The following LUZP2 variants were observed in gnomAD, a reference collection of about 807,000 sequenced individuals.
LUZP2 encodes the protein leucine zipper protein 2.
A neutral mutation model predicts 51.6 loss-of-function variants in LUZP2; 52 were observed. The observed-to-expected ratio is 1.01, with a 90% CI of 0.81 to 1.27. The LOEUF (loss-of-function observed/expected upper bound fraction) is 1.27. Ranked by LOEUF, LUZP2 falls within the 50% of genes most tolerant of loss-of-function variation. LUZP2 has a pLI of 0.00. For synonymous variants in LUZP2, 154 were observed against 137.3 expected (o/e 1.12, Z -0.85); for missense variants, 436 against 395.4 (o/e 1.10, Z -0.87).
intron 1 of LUZP2, among the ~76,000 whole-genome samples, chr11:24,587,805 A>G (rs188270916): frequency 2.4e-4 from 36 of 152,198 alleles, no homozygotes; most frequent in Non-Finnish European, 4.6e-4. Flanking sequence ...TAAATGAAAT[A>G]TATGTGTTTA....
At chr11:24,938,186 G>C (rs906263876) in intron 7 of LUZP2, among the ~76,000 whole-genome samples, 1 of 151,968 alleles carries the variant, frequency 6.6e-6, no homozygotes. Flanking sequence ...AAGTACTAAA[G>C]GCATAGTATT....
intron 8 of LUZP2, among the ~76,000 whole-genome samples, chr11:24,978,959 G>T (rs997775288): frequency 6.6e-6 from 1 of 151,644 alleles, no homozygotes; most frequent in South Asian, 2.1e-4. Context: ...AGGATGAGAG[G>T]CTGATGTTGT....
Position 24,848,393 on chromosome 11 carries a change from C to A in LUZP2, c.397-57598C>A, listed in dbSNP as rs140179810. ...TTTGCTCAATTTGCTTATGTTTGAC[C>A]AGTTATCTGTGCAGGATAGCCACCT... On this transcript the variant is annotated intron_variant, in intron 5 of 11. Coordinates refer to ENST00000336930, the MANE Select transcript of LUZP2 (RefSeq NM_001009909.4). Among the ~76,000 whole-genome samples, 1,081 of 152,078 alleles carry A rather than the reference C, an allele frequency of 7.1e-3. 7 individuals are homozygous for A. Among genetic ancestry groups the A allele is most frequent in the Middle Eastern group, 0.027 (8 of 294 alleles).
At chr11:24,726,214 T>C (rs1312338236) in intron 1 of LUZP2, among the ~76,000 whole-genome samples, 1 of 152,148 alleles carries the variant, frequency 6.6e-6, no homozygotes, top group Non-Finnish European at 1.5e-5. Flanking sequence ...AATCAATCTC[T>C]AATAAAGTAA....
intron 7 of LUZP2, among the ~76,000 whole-genome samples, chr11:24,933,638 A>G (rs760639528): frequency 6.6e-6 from 1 of 152,214 alleles, no homozygotes; most frequent in Non-Finnish European, 1.5e-5. Flanking sequence ...CATAATGATT[A>G]TAGATTTACA....
chr11:24,601,578 C>T (rs991754157), intron 1 of LUZP2, among the ~76,000 whole-genome samples: 1 of 151,734 alleles, frequency 6.6e-6, no homozygotes, highest in Non-Finnish European at 1.5e-5. Context: ...TAAGAAAAGT[C>T]ATGCATTATT....
intron 5 of LUZP2, among the ~76,000 whole-genome samples, chr11:24,870,476 C>T (rs1047828535): frequency 1.6e-5 from 1 of 62,164 alleles, no homozygotes; most frequent in South Asian, 7.5e-4. Context: ...TTCCTACACA[C>T]ACACACACAC....
intron 7 of LUZP2, among the ~76,000 whole-genome samples, chr11:24,970,590 G>T (rs1254939658): frequency 6.6e-6 from 1 of 152,218 alleles, no homozygotes; most frequent in African/African-American, 2.4e-5. Flanking sequence ...TTAGCTAGTT[G>T]CCAAAATTTT....
intron 1 of LUZP2, among the ~76,000 whole-genome samples, chr11:24,627,407 C>T (rs1190491590): frequency 6.6e-6 from 1 of 152,106 alleles, no homozygotes; most frequent in Non-Finnish European, 1.5e-5. Flanking sequence ...GGGGACCAGG[C>T]TTTTTCTTTA....
chr11:24,885,737 T>C (rs1852649540), intron 5 of LUZP2, among the ~76,000 whole-genome samples: 2 of 152,180 alleles, frequency 1.3e-5, no homozygotes, highest in African/African-American at 4.8e-5. Flanking sequence ...AGAGATTATC[T>C]AAACGTGTTC....
At chr11:25,062,571 C>T (rs1386623697) in intron 10 of LUZP2, among the ~76,000 whole-genome samples, 1 of 107,936 alleles carries the variant, frequency 9.3e-6, no homozygotes, top group Non-Finnish European at 1.7e-5. Context: ...GCCTATGTGA[C>T]AGAGCAAGAC....
At chr11:24,675,664 C>T (rs1856518642) in intron 1 of LUZP2, among the ~76,000 whole-genome samples, 1 of 151,800 alleles carries the variant, frequency 6.6e-6, no homozygotes, top group Non-Finnish European at 1.5e-5. Context: ...TCAGTGGTAA[C>T]AATAAGAAAA....
At chr11:24,867,233 C>T (rs1465877917) in intron 5 of LUZP2, among the ~76,000 whole-genome samples, 2 of 152,076 alleles carry the variant, frequency 1.3e-5, no homozygotes, top group Non-Finnish European at 2.9e-5. Flanking sequence ...TAAGACAAGA[C>T]TCCAGAGTAG....
intron 5 of LUZP2, among the ~76,000 whole-genome samples, chr11:24,789,079 T>C (rs990907193): frequency 6.6e-6 from 1 of 152,198 alleles, no homozygotes; most frequent in Non-Finnish European, 1.5e-5. Flanking sequence ...CCATGCTGCA[T>C]AGTGTTCATG....
At chr11:24,779,805 A>C in intron 5 of LUZP2, among the ~76,000 whole-genome samples, 1 of 152,154 alleles carries the variant, frequency 6.6e-6, no homozygotes, top group East Asian at 1.9e-4. Flanking sequence ...AACTGTCTTT[A>C]TAAGAGAAAG....
intron 5 of LUZP2, among the ~76,000 whole-genome samples, chr11:24,901,726 G>C (rs1016433886): frequency 6.6e-6 from 1 of 152,054 alleles, no homozygotes; most frequent in Non-Finnish European, 1.5e-5. Context: ...CTATTAGGCA[G>C]GTTTAGCAAG....
intron 1 of LUZP2, among the ~76,000 whole-genome samples, chr11:24,663,668 C>T (rs1856101770): frequency 1.3e-5 from 2 of 152,088 alleles, no homozygotes; most frequent in African/African-American, 4.8e-5. Flanking sequence ...GCCGTGTCCC[C>T]ATCCAAATCT....
intron 3 of LUZP2, among the ~76,000 whole-genome samples, chr11:24,736,972 C>T (rs1384871669): frequency 1.3e-5 from 2 of 152,008 alleles, no homozygotes; most frequent in African/African-American, 4.8e-5. Flanking sequence ...AACAGACAGA[C>T]TTTCTTTCTC....
chr11:24,706,643 C>T (rs1857593497), intron 1 of LUZP2, among the ~76,000 whole-genome samples: 1 of 152,044 alleles, frequency 6.6e-6, no homozygotes, highest in Non-Finnish European at 1.5e-5. Flanking sequence ...GAGGGTGGGA[C>T]GCGAAGGTGC....
Sources: gnomAD v4.1 joint callset for allele counts (sites outside exome capture counted in the v4.1 genomes callset) on GRCh38, gnomAD v4.1.1 for gene constraint, MANE v1.5 for transcripts, NCBI Gene and HGNC (gene_info 2026-07-23, HGNC 2026-07-21) for gene names.